ANO3: variants seen among roughly 807,000 people sequenced by gnomAD.
The protein encoded by ANO3 is anoctamin 3.
A neutral mutation model predicts 144.8 loss-of-function variants in ANO3; 99 were observed. That is an observed-to-expected ratio of 0.68 (90% CI 0.58 to 0.81). The LOEUF is 0.81. Among genes scored for constraint, ANO3 ranks in the 30% least tolerant of loss-of-function variants. The probability of loss-of-function intolerance (pLI) is 0.00; values close to 1 mark genes in which losing one functional copy is unlikely to be tolerated. For missense variants in ANO3, 905 were observed against 1,202.2 expected (o/e 0.75, Z 3.66); for synonymous variants, 414 against 392.6 (o/e 1.05, Z -0.64).
intron 1 of ANO3, among the ~76,000 whole-genome samples, chr11:26,318,900 A>G (rs889633328): frequency 2.6e-5 from 4 of 152,198 alleles, no homozygotes; most frequent in Non-Finnish European, 5.9e-5. Flanking sequence ...TTACCCATAC[A>G]TATACATAAT....
chr11:26,461,107 CGA>C (rs943642612), intron 3 of ANO3, among the ~76,000 whole-genome samples: 36 of 136,682 alleles, frequency 2.6e-4, no homozygotes, highest in Non-Finnish European at 1.3e-4. Context: ...AGAGAGAGAG[CGA>C]GAGCAAGCGA....
intron 1 of ANO3, among the ~76,000 whole-genome samples, chr11:26,338,873 T>C (rs150558679): frequency 6.6e-6 from 1 of 152,152 alleles, no homozygotes; most frequent in African/African-American, 2.4e-5. Context: ...CTTTAAGAGC[T>C]GTAACACTCA....
At chr11:26,475,408 G>GA (rs1490475674) in intron 4 of ANO3, among the ~76,000 whole-genome samples, 7 of 151,980 alleles carry the variant, frequency 4.6e-5, no homozygotes, top group Non-Finnish European at 8.8e-5. Context: ...ATTGCTCATT[G>GA]AGCCAGATTT....
At chr11:26,436,343 G>C (rs1373913118) in intron 1 of ANO3, among the ~76,000 whole-genome samples, 1 of 152,166 alleles carries the variant, frequency 6.6e-6, no homozygotes, top group African/African-American at 2.4e-5. Context: ...GTCCCAGCAG[G>C]GGGTGGACCC....
At chr11:26,524,840 C>A (rs1184093970) in intron 6 of ANO3, among the ~76,000 whole-genome samples, 1 of 152,136 alleles carries the variant, frequency 6.6e-6, no homozygotes, top group Non-Finnish European at 1.5e-5. Flanking sequence ...AGTGTATACT[C>A]CAGCTATTAC....
chr11:26,345,790 A>C (rs1855483238), intron 1 of ANO3, among the ~76,000 whole-genome samples: 1 of 152,194 alleles, frequency 6.6e-6, no homozygotes, highest in African/African-American at 2.4e-5. Flanking sequence ...GCCAATCATC[A>C]CTGTGTGCTC....
intron 18 of ANO3, among the ~76,000 whole-genome samples, chr11:26,627,846 TGTGTGTGTGC>T (rs1247214675): frequency 6.9e-5 from 10 of 144,632 alleles, no homozygotes; most frequent in Admixed American, 1.4e-4. Flanking sequence ...TGTGTGTGTG[TGTGTGTGTGC>T]GCCTGACATT....
intron 6 of ANO3, among the ~76,000 whole-genome samples, chr11:26,520,069 G>A (rs888749251): frequency 7.9e-5 from 12 of 152,032 alleles, no homozygotes; most frequent in African/African-American, 2.4e-4. Context: ...TCTTAGTGAT[G>A]GAATAATTGT....
intron 3 of ANO3, among the ~76,000 whole-genome samples, chr11:26,458,887 A>G (rs1428298795): frequency 6.6e-6 from 1 of 152,096 alleles, no homozygotes. Flanking sequence ...TATGTTTTAT[A>G]TGAGTGTGTG....
chr11:26,539,137 CACACA>C (rs1849582718), intron 10 of ANO3, among the ~76,000 whole-genome samples: 2 of 904 alleles, frequency 2.2e-3, no homozygotes. Context: ...GAGAAATACA[CACACA>C]CACACACACA....
At chr11:26,438,951 A>G (rs950773191) in intron 1 of ANO3, among the ~76,000 whole-genome samples, 2 of 152,218 alleles carry the variant, frequency 1.3e-5, no homozygotes, top group Non-Finnish European at 2.9e-5. Flanking sequence ...CGAAGCTACA[A>G]TGCTAAAGAC....
chr11:26,396,477 A>G (rs959335766), intron 1 of ANO3, among the ~76,000 whole-genome samples: 1 of 152,188 alleles, frequency 6.6e-6, no homozygotes, highest in African/African-American at 2.4e-5. Flanking sequence ...TCATTTTACT[A>G]TAAAGACACG....
At chr11:26,653,426 T>C (rs912883886) in intron 24 of ANO3, among the ~76,000 whole-genome samples, 4 of 152,020 alleles carry the variant, frequency 2.6e-5, no homozygotes, top group Admixed American at 6.6e-5. Flanking sequence ...TCATACCACT[T>C]CCACTGCCAC....
intron 14 of ANO3, among the ~76,000 whole-genome samples, chr11:26,596,886 C>T (rs1851645276): frequency 6.6e-6 from 1 of 152,168 alleles, no homozygotes; most frequent in Non-Finnish European, 1.5e-5. Context: ...TCTAGCCGAC[C>T]CTCGGCTTCC....
intron 1 of ANO3, among the ~76,000 whole-genome samples, chr11:26,355,567 T>C (rs1855759859): frequency 6.9e-6 from 1 of 145,666 alleles, no homozygotes; most frequent in African/African-American, 2.5e-5. Context: ...TCTTTCTTTC[T>C]TTTTTTTTTG....
At chr11:26,389,822 G>T (rs1352992130) in intron 1 of ANO3, among the ~76,000 whole-genome samples, 2 of 151,984 alleles carry the variant, frequency 1.3e-5, no homozygotes, top group Non-Finnish European at 2.9e-5. Flanking sequence ...TTAATTTCAT[G>T]CATACTCTCT....
At chr11:26,455,566 T>C (rs1859120975) in intron 3 of ANO3, among the ~76,000 whole-genome samples, 1 of 151,972 alleles carries the variant, frequency 6.6e-6, no homozygotes, top group Non-Finnish European at 1.5e-5. Context: ...CTCAATGAAA[T>C]AAAAGAGGAC....
intron 1 of ANO3, among the ~76,000 whole-genome samples, chr11:26,284,024 G>A (rs899016145): frequency 6.6e-6 from 1 of 152,182 alleles, no homozygotes; most frequent in Non-Finnish European, 1.5e-5. Flanking sequence ...GTGCTGGGGC[G>A]GGTGTGTAGG....
intron 1 of ANO3, among the ~76,000 whole-genome samples, chr11:26,300,928 A>ATAATGTATTTCATAAACTATGGCAATCC (rs1280041863): frequency 3.2e-5 from 4 of 125,296 alleles, no homozygotes; most frequent in Admixed American, 8.0e-5. Flanking sequence ...ATTTCCACTC[A>ATAATGTATTTCATAAACTATGGCAATCC]CTGCCACCTC....
Sources: allele counts gnomAD v4.1 joint callset (sites outside exome capture counted in the v4.1 genomes callset), GRCh38; gene constraint gnomAD v4.1.1; transcripts MANE v1.5; gene names NCBI Gene and HGNC (gene_info 2026-07-23, HGNC 2026-07-21).